The following ENAH variants were observed in gnomAD, a reference collection of about 807,000 sequenced individuals.
ENAH encodes the protein ENAH actin regulator.
Under a neutral mutation model 78.7 loss-of-function variants are expected in ENAH, and 23 were observed. The ratio of observed to expected loss-of-function variants is 0.29; its 90% confidence interval spans 0.21 to 0.41. The LOEUF (loss-of-function observed/expected upper bound fraction) is 0.41. Ranked by LOEUF, ENAH falls within the 10% of genes least tolerant of loss-of-function variation. The probability of loss-of-function intolerance (pLI) is 1.00; values close to 1 mark genes in which losing one functional copy is unlikely to be tolerated. For missense variants in ENAH, 544 were observed against 691.0 expected (o/e 0.79, Z 2.39); for synonymous variants, 226 against 241.0 (o/e 0.94, Z 0.58).
At chr1:225,562,967 T>C (rs1237780972) in intron 2 of ENAH, among the ~76,000 whole-genome samples, 2 of 150,904 alleles carry the variant, frequency 1.3e-5, no homozygotes, top group Non-Finnish European at 3.0e-5. Context: ...AGCAAAACTC[T>C]GTGTCAAAAA....
chr1:225,580,435 C>G (rs1454301424), intron 1 of ENAH, among the ~76,000 whole-genome samples: 1 of 152,148 alleles, frequency 6.6e-6, no homozygotes, highest in Non-Finnish European at 1.5e-5. Context: ...CCCTGGCCAA[C>G]ATTTTGACTG....
Position 225,652,789 on chromosome 1 carries a change from G to A in ENAH, c.-99C>T, listed in dbSNP as rs1663293425. 1.8e-5 allele frequency: 19 copies of A among 1,054,630 alleles called. No homozygotes were observed. Among genetic ancestry groups the A allele is most frequent in the Non-Finnish European group, 2.3e-5 (19 of 812,526 alleles). 65.3% of individuals were successfully genotyped at this position (1,054,630 alleles called of 1,614,324 possible). A position where few individuals can be genotyped will look rare whatever the true frequency, so the allele number is the denominator to read the frequency against. ...CTCCAGGGGTGGGGAGCAGCTCGGA[G>A]ACGGGAGACAAGTGTCCGGCTCCTC... On this transcript the variant is annotated 5_prime_UTR_variant, in exon 1 of 14. Coordinates refer to ENST00000366843, the MANE Select transcript of ENAH (RefSeq NM_018212.6).
intron 4 of ENAH, among the ~76,000 whole-genome samples, chr1:225,522,650 C>A (rs1269651809): frequency 6.6e-6 from 1 of 152,118 alleles, no homozygotes; most frequent in Non-Finnish European, 1.5e-5. Flanking sequence ...GTTGTTGTTT[C>A]TCCAGTAACC....
chr1:225,510,378 C>A (rs949653030), intron 10 of ENAH, among the ~76,000 whole-genome samples: 10 of 152,090 alleles, frequency 6.6e-5, no homozygotes, highest in African/African-American at 2.2e-4. Context: ...GGATCTATAG[C>A]TCTCATCATA....
chr1:225,569,930 G>A (rs982731323), intron 1 of ENAH, among the ~76,000 whole-genome samples: 6 of 152,264 alleles, frequency 3.9e-5, no homozygotes, highest in African/African-American at 1.2e-4. Flanking sequence ...CACTGGTGGG[G>A]CGCAGTGGCT....
intron 1 of ENAH, among the ~76,000 whole-genome samples, chr1:225,587,080 A>G (rs1393170123): frequency 6.6e-6 from 1 of 152,216 alleles, no homozygotes; most frequent in African/African-American, 2.4e-5. Context: ...TAAAATATCT[A>G]GAACATCATA....
At chr1:225,531,696 C>T (rs773694814) in intron 3 of ENAH, among the ~76,000 whole-genome samples, 2 of 152,028 alleles carry the variant, frequency 1.3e-5, no homozygotes, top group Non-Finnish European at 1.5e-5. Flanking sequence ...GAAATAAATG[C>T]TTCTGTGCAC....
intron 1 of ENAH, among the ~76,000 whole-genome samples, chr1:225,607,122 C>G (rs1389641055): frequency 6.6e-6 from 1 of 152,002 alleles, no homozygotes; most frequent in Admixed American, 6.5e-5. Flanking sequence ...GACACTACAG[C>G]AGACTCTAGA....
chr1:225,578,381 A>G (rs1196667716), intron 1 of ENAH, among the ~76,000 whole-genome samples: 1 of 152,204 alleles, frequency 6.6e-6, no homozygotes, highest in South Asian at 2.1e-4. Flanking sequence ...AGGCTGAGGT[A>G]GAAGGACCAC....
At chr1:225,561,285 T>C (rs980724675) in intron 2 of ENAH, among the ~76,000 whole-genome samples, 5 of 151,336 alleles carry the variant, frequency 3.3e-5, no homozygotes, top group East Asian at 2.0e-4. Flanking sequence ...CATCTAACCA[T>C]TGAGGATAGA....
intron 1 of ENAH, among the ~76,000 whole-genome samples, chr1:225,604,777 A>T (rs777552573): frequency 3.9e-5 from 6 of 152,214 alleles, no homozygotes; most frequent in Non-Finnish European, 7.3e-5. Context: ...TGGGCAACAC[A>T]GCAAGACCCT....
intron 3 of ENAH, among the ~76,000 whole-genome samples, chr1:225,548,675 T>C (rs1249508216): frequency 1.3e-5 from 2 of 152,174 alleles, no homozygotes; most frequent in South Asian, 4.1e-4. Flanking sequence ...ACCTTTCTAA[T>C]TGGAAATTGG....
intron 1 of ENAH, among the ~76,000 whole-genome samples, chr1:225,610,711 G>T (rs1299930690): frequency 1.3e-5 from 2 of 151,978 alleles, no homozygotes; most frequent in East Asian, 3.8e-4. Flanking sequence ...AGAAAAAAAA[G>T]AAACAGCCAA....
At chr1:225,538,199 C>T (rs2096571487) in intron 3 of ENAH, among the ~76,000 whole-genome samples, 2 of 152,042 alleles carry the variant, frequency 1.3e-5, no homozygotes, top group African/African-American at 4.8e-5. Context: ...AGGTATTTCT[C>T]TCATGATTGC....
intron 1 of ENAH, among the ~76,000 whole-genome samples, chr1:225,639,629 T>C (rs1350136113): frequency 6.6e-6 from 1 of 151,854 alleles, no homozygotes; most frequent in African/African-American, 2.4e-5. Context: ...GTGAACCACA[T>C]AAATCTCTTT....
At chr1:225,614,685 A>G (rs1029796950) in intron 1 of ENAH, among the ~76,000 whole-genome samples, 8 of 152,140 alleles carry the variant, frequency 5.3e-5, no homozygotes, top group Non-Finnish European at 7.4e-5. Context: ...CCCTGAAGCT[A>G]TCCAGGAGCC....
Position 225,578,429 on chromosome 1 carries a change from T to C in ENAH, c.6-11015A>G, listed in dbSNP as rs927692167. On this transcript the variant is annotated intron_variant, in intron 1 of 13. Coordinates refer to ENST00000366843, the MANE Select transcript of ENAH (RefSeq NM_018212.6). ...GTGCAAGGTTACAGTGAGCTATTAC[T>C]GAGCCACTGCATTCCAGCTTGGGCG... 2.0e-5 allele frequency among the ~76,000 whole-genome samples: 3 copies of C among 152,202 alleles called. No individual in the cohort carries two copies. In the South Asian group the frequency reaches 6.2e-4, roughly 32 times the overall value.
In ENAH at chr1:225,507,946, G is replaced by C; in HGVS notation, c.1538+5C>G. On this transcript the variant is annotated splice_donor_5th_base_variant and intron_variant, in intron 11 of 13. Transcript: ENST00000366843. ...AATATAAAACTTAGAGAAAAAAATTGATACCTGGAGATAACAGGTGACTTG... is the reference window on the plus strand; with the variant it reads ...AATATAAAACTTAGAGAAAAAAATTCATACCTGGAGATAACAGGTGACTTG... 2 of 1,528,372 alleles carry C rather than the reference G, an allele frequency of 1.3e-6. No individual in the cohort carries two copies. Among genetic ancestry groups the C allele is most frequent in the South Asian group, 2.6e-5 (2 of 75,864 alleles). 94.7% of individuals were successfully genotyped at this position (1,528,372 alleles called of 1,614,324 possible). A position where few individuals can be genotyped will look rare whatever the true frequency, so the allele number is the denominator to read the frequency against.
intron 1 of ENAH, among the ~76,000 whole-genome samples, chr1:225,593,403 G>T (rs76939445): frequency 0.12 from 7,434 of 61,410 alleles, 437 homozygotes; most frequent in South Asian, 0.21. Context: ...GTGTGTGTGG[G>T]GGGGGGGGGG....
Sources: allele counts gnomAD v4.1 joint callset (sites outside exome capture counted in the v4.1 genomes callset), GRCh38; gene constraint gnomAD v4.1.1; transcripts MANE v1.5; gene names NCBI Gene and HGNC (gene_info 2026-07-23, HGNC 2026-07-21).